The following FAM81A variants were observed in gnomAD, a reference collection of about 807,000 sequenced individuals.
FAM81A encodes family with sequence similarity 81 member A.
A neutral mutation model predicts 46.7 loss-of-function variants in FAM81A; 19 were observed. The observed-to-expected ratio is 0.41, with a 90% CI of 0.28 to 0.60. The LOEUF (loss-of-function observed/expected upper bound fraction) is 0.60, where lower values mean the gene tolerates loss of function less well. Among genes scored for constraint, FAM81A ranks in the 20% least tolerant of loss-of-function variants. The pLI is 0.34. For synonymous variants in FAM81A, 183 were observed against 152.9 expected, an observed-to-expected ratio of 1.20 and a Z score of -1.45; for missense variants, 377 against 453.5, an observed-to-expected ratio of 0.83 and a Z score of 1.53.
intron 2 of FAM81A, among the ~76,000 whole-genome samples, chr15:59,421,449 C>T (rs1401630574): frequency 2.0e-5 from 3 of 152,136 alleles, no homozygotes; most frequent in African/African-American, 7.2e-5. Flanking sequence ...GTATATACGA[C>T]GGGCTGGGAG....
chr15:59,456,255 G>A (rs1420790544), intron 1 of FAM81A, among the ~76,000 whole-genome samples: 1 of 149,722 alleles, frequency 6.7e-6, no homozygotes, highest in African/African-American at 2.4e-5. Flanking sequence ...GAGTGTGCAG[G>A]ACATATCCAA....
intron 1 of FAM81A, among the ~76,000 whole-genome samples, chr15:59,447,186 T>G (rs1406272050): frequency 2.0e-5 from 3 of 152,178 alleles, no homozygotes; most frequent in African/African-American, 7.2e-5. Context: ...TGCCTCACCC[T>G]CTCCAAGATG....
At chr15:59,474,687 G>T (rs1471849265) in intron 3 of FAM81A, among the ~76,000 whole-genome samples, 1 of 152,206 alleles carries the variant, frequency 6.6e-6, no homozygotes, top group African/African-American at 2.4e-5. Flanking sequence ...AGTGAAGCCA[G>T]TTGTAGATAT....
intron 1 of FAM81A, among the ~76,000 whole-genome samples, chr15:59,452,650 C>CA (rs1323769097): frequency 2.6e-5 from 4 of 151,978 alleles, no homozygotes; most frequent in Non-Finnish European, 5.9e-5. Context: ...GTGTCTCACA[C>CA]AAAAAAATTT....
At chr15:59,406,648 C>T (rs1455260248) in intron 2 of FAM81A, among the ~76,000 whole-genome samples, 2 of 152,138 alleles carry the variant, frequency 1.3e-5, no homozygotes, top group African/African-American at 4.8e-5. Context: ...TGTCCATTTT[C>T]GGTTCATACC....
At chr15:59,509,500 G>T (rs1210908879) in intron 6 of FAM81A, among the ~76,000 whole-genome samples, 1 of 152,172 alleles carries the variant, frequency 6.6e-6, no homozygotes, top group Non-Finnish European at 1.5e-5. Context: ...GGTTTTATCT[G>T]ATAAGCCTGA....
At position 59,460,449 on chromosome 15, in the gene FAM81A, T is replaced by C; in HGVS notation, c.294+243T>C. On this transcript the variant is annotated intron_variant, in intron 3 of 8. Coordinates refer to ENST00000288228, the MANE Select transcript of FAM81A (RefSeq NM_152450.3). The surrounding 1 kb of genome is among the most constrained non-coding windows in gnomAD (Gnocchi z 4.4). ...GTTTAATCTAAATTTACCTTGCTGA[T>C]TATTAAATGATTTTATTTTGTTTGG... 2 of 588,956 alleles carry C rather than the reference T, an allele frequency of 3.4e-6. No homozygotes were observed. Among genetic ancestry groups the C allele is most frequent in the East Asian group, 6.3e-5 (2 of 31,778 alleles). The allele number at this position is 588,956 out of a possible 1,614,324, so 36.5% of individuals were successfully genotyped here.
chr15:59,466,815 C>A (rs1284251563), intron 3 of FAM81A, among the ~76,000 whole-genome samples: 6 of 152,156 alleles, frequency 3.9e-5, no homozygotes, highest in African/African-American at 1.4e-4. Flanking sequence ...GCCTAGGTTT[C>A]TTCTAGGGTT....
At chr15:59,462,301 C>G (rs1478507317) in intron 3 of FAM81A, among the ~76,000 whole-genome samples, 7 of 151,880 alleles carry the variant, frequency 4.6e-5, no homozygotes, top group Non-Finnish European at 1.0e-4. Context: ...TTTCTCTACC[C>G]CCTCAGCAAT....
At chr15:59,475,631 C>T (rs1255000320) in intron 3 of FAM81A, among the ~76,000 whole-genome samples, 2 of 151,982 alleles carry the variant, frequency 1.3e-5, no homozygotes, top group East Asian at 1.9e-4. Context: ...TGATGATTTC[C>T]GTGATAGACA....
chr15:59,518,929 T>TTG (rs150647352), intron 8 of FAM81A, among the ~76,000 whole-genome samples: 8 of 136,002 alleles, frequency 5.9e-5, no homozygotes, highest in African/African-American at 2.6e-5. Context: ...TCACAGGTAT[T>TTG]TGTGTGTGTG....
At chr15:59,459,673 C>T (rs116142092) in intron 2 of FAM81A, among the ~76,000 whole-genome samples, 207 of 152,154 alleles carry the variant, frequency 1.4e-3, no homozygotes, top group African/African-American at 4.0e-3. Context: ...GGAGACATCT[C>T]GGTGTACCCA....
chr15:59,463,895 C>T (rs1161779820), intron 3 of FAM81A, among the ~76,000 whole-genome samples: 6 of 151,896 alleles, frequency 4.0e-5, no homozygotes, highest in Non-Finnish European at 8.8e-5. Context: ...AGTGATGTTT[C>T]AATACATCTA....
At chr15:59,417,208 G>C (rs1046516734) in intron 2 of FAM81A, among the ~76,000 whole-genome samples, 6 of 152,140 alleles carry the variant, frequency 3.9e-5, no homozygotes, top group Non-Finnish European at 7.3e-5. Context: ...TGAATACCCA[G>C]GCTGTGCTCT....
intron 6 of FAM81A, among the ~76,000 whole-genome samples, chr15:59,513,590 G>C (rs1210648645): frequency 6.6e-6 from 1 of 152,132 alleles, no homozygotes; most frequent in African/African-American, 2.4e-5. Context: ...AGGAAAATAT[G>C]TAATTCTGAT....
upstream of FAM81A, among the ~76,000 whole-genome samples, chr15:59,436,916 T>A (rs1463681426): frequency 6.6e-6 from 1 of 152,244 alleles, no homozygotes; most frequent in Admixed American, 6.5e-5. Context: ...CTCTAAGCTC[T>A]GTGGGATCAG....
chr15:59,507,825 C>T (rs373139600), intron 5 of FAM81A, among the ~76,000 whole-genome samples: 2 of 152,200 alleles, frequency 1.3e-5, no homozygotes, highest in Non-Finnish European at 1.5e-5. Context: ...TGACCTCAAA[C>T]GTCACAGATT....
chr15:59,487,162 C>G (rs1180877271), intron 3 of FAM81A, among the ~76,000 whole-genome samples: 1 of 134,028 alleles, frequency 7.5e-6, no homozygotes, highest in Non-Finnish European at 1.5e-5. Context: ...ATAGAGTTAG[C>G]AGCACTCCTG....
At chr15:59,476,425 G>A (rs922206753) in intron 3 of FAM81A, among the ~76,000 whole-genome samples, 12 of 152,012 alleles carry the variant, frequency 7.9e-5, no homozygotes, top group African/African-American at 2.4e-4. Flanking sequence ...CATTCAGTCC[G>A]TAACAATGAT....
Sources: gnomAD v4.1 joint callset for allele counts (sites outside exome capture counted in the v4.1 genomes callset) on GRCh38, gnomAD v4.1.1 for gene constraint, Gnocchi (gnomAD v3.1) non-coding constraint, MANE v1.5 for transcripts, NCBI Gene and HGNC (gene_info 2026-07-23, HGNC 2026-07-21) for gene names.